Variants in DOCK3 observed in about 807,000 individuals in gnomAD.
The protein encoded by DOCK3 is dedicator of cytokinesis protein 3.
In DOCK3, 60 loss-of-function variants were observed where a neutral mutation model predicts 265.6. The ratio of observed to expected loss-of-function variants is 0.23; its 90% CI spans 0.18 to 0.28. The LOEUF (loss-of-function observed/expected upper bound fraction) is 0.28. DOCK3 is among the 10% of genes least tolerant of loss of function. The pLI is 1.00. For missense variants in DOCK3, 1,981 were observed against 2,594.3 expected (o/e 0.76, Z 5.14); for synonymous variants, 881 against 938.0 (o/e 0.94, Z 1.11).
chr3:50,823,785 G>A (rs1475373980), intron 2 of DOCK3, among the ~76,000 whole-genome samples: 1 of 152,138 alleles, frequency 6.6e-6, no homozygotes, highest in African/African-American at 2.4e-5. Context: ...GCGGCTGGCC[G>A]GGCCGGGGGG....
intron 9 of DOCK3, among the ~76,000 whole-genome samples, chr3:51,116,450 C>CAACAA (rs2083744922): frequency 1.8e-5 from 1 of 54,972 alleles, no homozygotes; most frequent in Non-Finnish European, 3.1e-5. Context: ...GACTCCATCT[C>CAACAA]AAAAAAAAAA....
At chr3:51,290,545 GGA>G (rs1426445822) in intron 27 of DOCK3, among the ~76,000 whole-genome samples, 5 of 152,042 alleles carry the variant, frequency 3.3e-5, no homozygotes, top group South Asian at 4.2e-4. Context: ...TGGGGTTGGG[GGA>G]GAGGGGAGGG....
At chr3:50,964,208 T>G (rs1012339568) in intron 5 of DOCK3, among the ~76,000 whole-genome samples, 3 of 151,938 alleles carry the variant, frequency 2.0e-5, no homozygotes, top group African/African-American at 7.2e-5. Context: ...AGGATCAAAC[T>G]ATTTCCAAAT....
chr3:51,218,484 A>G (rs1439812567), intron 14 of DOCK3, among the ~76,000 whole-genome samples: 1 of 152,002 alleles, frequency 6.6e-6, no homozygotes, highest in African/African-American at 2.4e-5. Context: ...AAGGGACCGT[A>G]CCCTTCTTCA....
chr3:50,797,013 C>T (rs1031048672), intron 2 of DOCK3, among the ~76,000 whole-genome samples: 1 of 152,170 alleles, frequency 6.6e-6, no homozygotes, highest in African/African-American at 2.4e-5. Flanking sequence ...AGGTCACTTA[C>T]ACTCCAATTG....
intron 9 of DOCK3, among the ~76,000 whole-genome samples, chr3:51,137,890 T>C (rs181139659): frequency 6.6e-6 from 1 of 152,356 alleles, no homozygotes; most frequent in African/African-American, 2.4e-5. Context: ...ATTACTCATA[T>C]AGAGGTGTGA....
intron 9 of DOCK3, among the ~76,000 whole-genome samples, chr3:51,125,930 C>T (rs1167661377): frequency 2.0e-5 from 3 of 152,176 alleles, no homozygotes; most frequent in Non-Finnish European, 4.4e-5. Context: ...AGTGTTTTTA[C>T]ATGAGGCTTT....
chr3:51,209,040 G>A lies in DOCK3; in HGVS notation c.1126+178G>A, dbSNP rs559071811. ...TTTGAGGCCTTCCCTAATATCTGCT[G>A]ACCAAAATACATTTTGTGTTTTTTC... On this transcript the variant is annotated intron_variant, in intron 13 of 52. Transcript: ENST00000266037. 2.5e-4 allele frequency among the ~76,000 whole-genome samples: 38 copies of A among 152,250 alleles called. No individual in the cohort carries two copies. In the South Asian group the frequency reaches 7.5e-3, roughly 30 times the overall value.
chr3:50,758,947 G>T (rs1315211545), intron 1 of DOCK3, among the ~76,000 whole-genome samples: 1 of 152,130 alleles, frequency 6.6e-6, no homozygotes, highest in Non-Finnish European at 1.5e-5. Flanking sequence ...TCAAGATTTT[G>T]TTACTTTGTA....
chr3:51,328,180 G>A (rs2084275267), intron 32 of DOCK3, among the ~76,000 whole-genome samples: 2 of 152,126 alleles, frequency 1.3e-5, no homozygotes, highest in Non-Finnish European at 2.9e-5. Context: ...GACCCATTTT[G>A]AGAAATATTT....
At chr3:50,950,701 A>T (rs901641754) in intron 5 of DOCK3, among the ~76,000 whole-genome samples, 1 of 152,112 alleles carries the variant, frequency 6.6e-6, no homozygotes, top group South Asian at 2.1e-4. Flanking sequence ...CCTGCTGCCT[A>T]GCTTTTGCCT....
At chr3:50,690,024 T>A (rs1283544511) in intron 1 of DOCK3, among the ~76,000 whole-genome samples, 1 of 152,238 alleles carries the variant, frequency 6.6e-6, no homozygotes, top group African/African-American at 2.4e-5. Context: ...TGTGGTGTCA[T>A]GCTACGAAAC....
At chr3:50,988,482 G>A (rs756304558) in intron 5 of DOCK3, among the ~76,000 whole-genome samples, 4 of 152,172 alleles carry the variant, frequency 2.6e-5, no homozygotes, top group South Asian at 2.1e-4. Flanking sequence ...CAGAGTGTCC[G>A]AAGCGACGGG....
At chr3:50,708,161 C>T (rs574847564) in intron 1 of DOCK3, among the ~76,000 whole-genome samples, 15 of 152,196 alleles carry the variant, frequency 9.9e-5, no homozygotes, top group African/African-American at 3.4e-4. Flanking sequence ...GCTATGTGGG[C>T]CTATTTTCAG....
At chr3:50,889,937 T>C (rs2048562901) in intron 3 of DOCK3, 89 bp from the exon 4 acceptor site, 8 of 1,049,828 alleles carry the variant, frequency 7.6e-6, no homozygotes, top group Non-Finnish European at 8.9e-6. Context: ...ACTATGTTTC[T>C]GTGCTGAAAT....
At chr3:50,959,236 A>G (rs2076816808) in intron 5 of DOCK3, among the ~76,000 whole-genome samples, 1 of 152,226 alleles carries the variant, frequency 6.6e-6, no homozygotes, top group Non-Finnish European at 1.5e-5. Flanking sequence ...TATTGTATAT[A>G]AAGTGTCCAG....
intron 6 of DOCK3, among the ~76,000 whole-genome samples, chr3:51,072,201 G>A (rs2081901920): frequency 6.6e-6 from 1 of 152,102 alleles, no homozygotes; most frequent in Admixed American, 6.5e-5. Context: ...AAAGTTCTGT[G>A]GGGTGGATAA....
chr3:50,811,132 G>T (rs1240472482), intron 2 of DOCK3, among the ~76,000 whole-genome samples: 1 of 152,150 alleles, frequency 6.6e-6, no homozygotes, highest in Non-Finnish European at 1.5e-5. Context: ...GGTGGCTCAT[G>T]CTTGTAATCC....
chr3:51,285,822 C>T (rs2081374185), intron 27 of DOCK3, among the ~76,000 whole-genome samples: 2 of 151,994 alleles, frequency 1.3e-5, no homozygotes, highest in African/African-American at 2.4e-5. Context: ...GTAATCCCAG[C>T]TACTTGGGAG....
Sources: gnomAD v4.1 joint callset for allele counts (sites outside exome capture counted in the v4.1 genomes callset) on GRCh38, gnomAD v4.1.1 for gene constraint, MANE v1.5 for transcripts, NCBI Gene and HGNC (gene_info 2026-07-23, HGNC 2026-07-21) for gene names.